Variants in MSI2 observed in about 807,000 individuals in gnomAD.
MSI2 encodes the protein RNA-binding protein Musashi homolog 2.
Under a neutral mutation model 45.6 loss-of-function variants are expected in MSI2, and 17 were observed. That is an observed-to-expected ratio of 0.37 (90% confidence interval 0.26 to 0.56). The LOEUF is 0.56. MSI2 is among the 20% of genes least tolerant of loss of function. MSI2 has a pLI of 0.77. For synonymous variants in MSI2, 156 were observed against 158.2 expected (o/e 0.99, Z 0.11); for missense variants, 293 against 444.2 (o/e 0.66, Z 3.06).
At position 57,627,042 on chromosome 17, in the gene MSI2, A is replaced by G; in HGVS notation, c.653-187A>G. On this transcript the variant is annotated intron_variant, in intron 9 of 13. Transcript: ENST00000284073. This position sits in a 1 kb window ranked among gnomAD's most constrained non-coding sequence, Gnocchi z 4.6. Reference sequence around the variant, plus strand: ...AATATGGGTTAATTAGCAACAGCTGACAGCAGCGCCCCCGGCCACAGGAGA... The same window carrying G: ...AATATGGGTTAATTAGCAACAGCTGGCAGCAGCGCCCCCGGCCACAGGAGA... 1.6e-6 allele frequency: 1 copy of G among 618,642 alleles called. No homozygotes were observed. Among genetic ancestry groups the G allele is most frequent in the Non-Finnish European group, 2.9e-6 (1 of 345,976 alleles). The allele number at this position is 618,642 out of a possible 1,614,324, so 38.3% of individuals were successfully genotyped here. A position where few individuals can be genotyped will look rare whatever the true frequency, so the allele number is the denominator to read the frequency against.
chr17:57,557,721 G>C (rs1245365755), intron 7 of MSI2, among the ~76,000 whole-genome samples: 1 of 152,214 alleles, frequency 6.6e-6, no homozygotes, highest in East Asian at 1.9e-4. Flanking sequence ...GGGAGCAGAG[G>C]TTTCGTTGAG....
the MSI2 span, among the ~76,000 whole-genome samples, chr17:57,690,268 C>G: frequency 6.6e-6 from 1 of 151,166 alleles, no homozygotes; most frequent in Non-Finnish European, 1.5e-5. Context: ...TTATCAACAT[C>G]TGGATATCTT....
chr17:57,563,600 T>C (rs1467744231), intron 7 of MSI2, among the ~76,000 whole-genome samples: 7 of 152,128 alleles, frequency 4.6e-5, no homozygotes, highest in Non-Finnish European at 1.0e-4. Flanking sequence ...GCACAATCCA[T>C]GTCAGTAATC....
At chr17:57,273,369 A>G (rs1908537824) in intron 5 of MSI2, among the ~76,000 whole-genome samples, 1 of 152,156 alleles carries the variant, frequency 6.6e-6, no homozygotes, top group Admixed American at 6.5e-5. Flanking sequence ...AATTGCTTTG[A>G]AAATAAAAAT....
At chr17:57,450,285 A>AGAAAGAGAGAAAGAG (rs2084983249) in intron 6 of MSI2, 1 of 49,568 alleles carries the variant, frequency 2.0e-5, no homozygotes, top group African/African-American at 4.1e-5. Flanking sequence ...GAAAGAAAGA[A>AGAAAGAGAGAAAGAG]AGAAAGAAAG....
In MSI2 at chr17:57,364,961, CCAAAA is replaced by C. The variant is rs542303925; in HGVS notation, c.313-36412_313-36408del. ...TTCCTCCATGGCACAGGATTTTTGC[CCAAAA>C]CAAAAGTCTCAATTTATTTGTTCTT... On this transcript the variant is annotated intron_variant, in intron 5 of 13. Coordinates refer to ENST00000284073, the MANE Select transcript of MSI2 (RefSeq NM_138962.4). 16 of 151,722 alleles carry C rather than the reference CCAAAA, an allele frequency of 1.1e-4. No individual in the cohort carries two copies. The East Asian group carries it at 2.7e-3, about 26-fold the overall frequency. The allele number at this position is 151,722 out of a possible 1,614,324, so 9.4% of individuals were successfully genotyped here.
chr17:57,314,821 C>T (rs567332328), intron 5 of MSI2, among the ~76,000 whole-genome samples: 18 of 152,258 alleles, frequency 1.2e-4, no homozygotes, highest in South Asian at 2.1e-4. Flanking sequence ...CTGCCCGCCT[C>T]GGTCTCCCAA....
intron 6 of MSI2, among the ~76,000 whole-genome samples, chr17:57,496,688 G>A (rs1032750527): frequency 2.0e-5 from 3 of 152,208 alleles, no homozygotes; most frequent in Non-Finnish European, 2.9e-5. Flanking sequence ...TGGCTCCAGC[G>A]CATTCATTCT....
At chr17:57,548,809 G>A (rs574129644) in intron 7 of MSI2, among the ~76,000 whole-genome samples, 1 of 152,114 alleles carries the variant, frequency 6.6e-6, no homozygotes, top group South Asian at 2.1e-4. Context: ...CAGGGAAGAA[G>A]TGCTTTTTAA....
rs558819222 is a variant in MSI2, at chr17:57,351,465, C to T, written c.313-49914C>T. Among the ~76,000 whole-genome samples the T allele has an allele frequency of 3.3e-5, 5 of 152,310 alleles. No individual in the cohort carries two copies. In the South Asian group the frequency reaches 1.0e-3, roughly 32 times the overall value. ...TATAGCTTTGAAACAAATCCTCAGC[C>T]CCCTGCCTGTTCCCACTTAGAAGGG... On this transcript the variant is annotated intron_variant, in intron 5 of 13. Transcript: ENST00000284073.
chr17:57,303,755 A>G (rs540605071), intron 5 of MSI2, among the ~76,000 whole-genome samples: 7 of 152,376 alleles, frequency 4.6e-5, no homozygotes, highest in African/African-American at 1.4e-4. Flanking sequence ...TGCCTCCAAG[A>G]AACTTACAAA....
intron 9 of MSI2, among the ~76,000 whole-genome samples, chr17:57,617,546 T>C (rs1040849650): frequency 6.6e-6 from 1 of 152,238 alleles, no homozygotes; most frequent in African/African-American, 2.4e-5. Flanking sequence ...TACAAGATAA[T>C]TCCTTAGCTC....
chr17:57,532,964 G>A (rs990473693), intron 7 of MSI2, among the ~76,000 whole-genome samples: 2 of 152,214 alleles, frequency 1.3e-5, no homozygotes, highest in Non-Finnish European at 2.9e-5. Context: ...GACATGAGCT[G>A]TGTGACATTT....
intron 5 of MSI2, among the ~76,000 whole-genome samples, chr17:57,311,634 C>G (rs1166803478): frequency 6.6e-6 from 1 of 152,126 alleles, no homozygotes; most frequent in Non-Finnish European, 1.5e-5. Flanking sequence ...ATTGCAGCCT[C>G]CTATTCTTGG....
downstream of MSI2, among the ~76,000 whole-genome samples, chr17:57,685,982 A>G (rs1172624255): frequency 6.6e-6 from 1 of 152,204 alleles, no homozygotes; most frequent in African/African-American, 2.4e-5. Context: ...CACCAACTAT[A>G]TGCCAAGTGG....
chr17:57,603,098 G>C (rs983656246), intron 8 of MSI2, among the ~76,000 whole-genome samples: 5 of 152,204 alleles, frequency 3.3e-5, no homozygotes, highest in African/African-American at 1.2e-4. Flanking sequence ...CTCCAGGCCA[G>C]TCTGGTGCTC....
intron 6 of MSI2, among the ~76,000 whole-genome samples, chr17:57,452,895 A>G (rs1379205327): frequency 1.3e-5 from 2 of 150,748 alleles, no homozygotes; most frequent in Non-Finnish European, 3.0e-5. Flanking sequence ...GGGAACTGGG[A>G]TTTGGATGCA....
intron 5 of MSI2, chr17:57,294,542 G>T (rs145950073): frequency 1.4e-4 from 21 of 152,384 alleles, no homozygotes; most frequent in African/African-American, 4.8e-4. Flanking sequence ...GGAAGGTGAA[G>T]AAGTGAGTCT....
intron 11 of MSI2, among the ~76,000 whole-genome samples, chr17:57,672,426 C>T (rs1416647000): frequency 1.3e-5 from 2 of 152,184 alleles, no homozygotes; most frequent in East Asian, 3.9e-4. Context: ...TCTAAGCCTG[C>T]AGAAGGGGGT....
Sources: allele counts gnomAD v4.1 joint callset (sites outside exome capture counted in the v4.1 genomes callset), GRCh38; gene constraint gnomAD v4.1.1; non-coding constraint Gnocchi (gnomAD v3.1); transcripts MANE v1.5; gene names NCBI Gene and HGNC (gene_info 2026-07-23, HGNC 2026-07-21).